ASB5: variants seen among roughly 807,000 people sequenced by gnomAD.
ASB5 encodes the protein ankyrin repeat and SOCS box protein 5.
In ASB5, 45 loss-of-function variants were observed where a neutral mutation model predicts 42.1. The ratio of observed to expected loss-of-function variants is 1.07; its 90% CI spans 0.84 to 1.37. The LOEUF (loss-of-function observed/expected upper bound fraction) is 1.37. Ranked by LOEUF, ASB5 falls within the 40% of genes most tolerant of loss-of-function variation. The pLI is 0.00. For missense variants in ASB5, 402 were observed against 399.8 expected, an observed-to-expected ratio of 1.01 and a Z score of -0.05; for synonymous variants, 147 against 150.6, an observed-to-expected ratio of 0.98 and a Z score of 0.18.
Position 176,221,439 on chromosome 4 carries a change from A to G in ASB5, c.535+11T>C, listed in dbSNP as rs1753204244. Reference sequence around the variant, plus strand: ...TTCTTCCCTTGTCACTTAATCCCAGAACTAAGTTACCTTTACTGGCGGCCT... The same window carrying G: ...TTCTTCCCTTGTCACTTAATCCCAGGACTAAGTTACCTTTACTGGCGGCCT... On this transcript the variant is annotated intron_variant, in intron 4 of 6. Transcript: ENST00000296525. The G allele has an allele frequency of 6.2e-7, 1 of 1,611,720 alleles. No individual in the cohort carries two copies. Among genetic ancestry groups the G allele is most frequent in the Non-Finnish European group, 8.5e-7 (1 of 1,179,164 alleles).
chr4:176,269,614 A>T (rs909275270), upstream of ASB5, among the ~76,000 whole-genome samples: 1 of 149,420 alleles, frequency 6.7e-6, no homozygotes. Context: ...CTACTCATCA[A>T]ATTAACCAAT....
intron 1 of ASB5, among the ~76,000 whole-genome samples, chr4:176,226,562 G>A (rs1242075463): frequency 3.3e-5 from 5 of 152,058 alleles, no homozygotes; most frequent in African/African-American, 1.2e-4. Flanking sequence ...CTCTGTCTAT[G>A]TATCTAGGTA....
chr4:176,256,600 C>CT (rs1430384519), intron 1 of ASB5, among the ~76,000 whole-genome samples: 1 of 152,082 alleles, frequency 6.6e-6, no homozygotes, highest in Non-Finnish European at 1.5e-5. Context: ...GTTTGTTTTT[C>CT]TTTTTTCTCA....
At chr4:176,270,991 T>G (rs1024953042), upstream of ASB5, among the ~76,000 whole-genome samples, 1 of 152,202 alleles carries the variant, frequency 6.6e-6, no homozygotes, top group Non-Finnish European at 1.5e-5. Flanking sequence ...AATAATTGTC[T>G]TCGCATGAGC....
chr4:176,221,424 G>A (rs1348393096), intron 4 of ASB5, 26 bp downstream of exon 4: 1 of 1,607,884 alleles, frequency 6.2e-7, no homozygotes, highest in East Asian at 2.2e-5. Context: ...TTCTTCCCTT[G>A]TCACTTAATC....
intron 2 of ASB5, among the ~76,000 whole-genome samples, chr4:176,224,507 T>A (rs1404175422): frequency 6.7e-6 from 1 of 149,958 alleles, no homozygotes; most frequent in Non-Finnish European, 1.5e-5. Context: ...AGTGTTGGAA[T>A]TACAGGCGTG....
At position 176,254,134 on chromosome 4, in the gene ASB5, C is replaced by T. The variant is rs28799135; in HGVS notation, c.196+14779G>A. On this transcript the variant is annotated intron_variant, in intron 1 of 6. Coordinates refer to ENST00000296525, the MANE Select transcript of ASB5 (RefSeq NM_080874.4). Reference sequence around the variant, plus strand: ...ACAATCCTAAGCAAACAGAACAAAGCCAGAGGCATCACATTACCAGAATCC... The same window carrying T: ...ACAATCCTAAGCAAACAGAACAAAGTCAGAGGCATCACATTACCAGAATCC... 3.9e-3 allele frequency among the ~76,000 whole-genome samples: 593 copies of T among 152,218 alleles called. 6 individuals carry two copies. The highest frequency in any genetic ancestry group is 0.014 in the African/African-American group (570 of 41,530).
intron 1 of ASB5, among the ~76,000 whole-genome samples, chr4:176,261,243 G>T (rs1396541444): frequency 6.6e-6 from 1 of 152,044 alleles, no homozygotes; most frequent in African/African-American, 2.4e-5. Flanking sequence ...TGTTGGGGAG[G>T]TATTCCATCT....
chr4:176,241,684 G>A, intron 1 of ASB5: 1 of 1,328,288 alleles, frequency 7.5e-7, no homozygotes, highest in Non-Finnish European at 9.6e-7. Flanking sequence ...AGTGAGGGCA[G>A]ATGAGGTCTG....
chr4:176,229,166 C>T (rs73871941), intron 1 of ASB5, among the ~76,000 whole-genome samples: 12,574 of 151,998 alleles, frequency 0.083, 556 homozygotes, highest in Middle Eastern at 0.12. Flanking sequence ...TTTCATTATC[C>T]TTAATTTATC....
chr4:176,264,994 A>G (rs996686711), intron 1 of ASB5, among the ~76,000 whole-genome samples: 2 of 152,106 alleles, frequency 1.3e-5, no homozygotes, highest in Admixed American at 1.3e-4. Flanking sequence ...TAACTGGTCA[A>G]CTTATTTCAA....
chr4:176,217,138 G>A (rs1057046087), intron 5 of ASB5, 129 bp from the exon 6 acceptor site: 27 of 705,534 alleles, frequency 3.8e-5, no homozygotes, highest in Non-Finnish European at 6.4e-5. Context: ...TATTTGTTAT[G>A]AGTTATTTCT....
intron 1 of ASB5, among the ~76,000 whole-genome samples, chr4:176,230,923 T>G (rs147311369): frequency 6.6e-6 from 1 of 152,344 alleles, no homozygotes; most frequent in East Asian, 1.9e-4. Flanking sequence ...AATTATTCAG[T>G]GTGAAATTGT....
chr4:176,267,818 A>G (rs1754387280), intron 1 of ASB5, among the ~76,000 whole-genome samples: 1 of 152,142 alleles, frequency 6.6e-6, no homozygotes, highest in African/African-American at 2.4e-5. Context: ...TGTACTCACT[A>G]TCTACCTCAC....
chr4:176,237,191 G>T (rs1313026787), intron 1 of ASB5: 4 of 795,840 alleles, frequency 5.0e-6, no homozygotes, highest in Non-Finnish European at 6.1e-6. Context: ...ATTTCAATCC[G>T]CATTCTGGAA....
In ASB5 at chr4:176,232,855, C is replaced by T. The variant is rs140904969; in HGVS notation, c.197-7514G>A. Among the ~76,000 whole-genome samples the T allele has an allele frequency of 7.7e-3, 1,170 of 152,272 alleles. 13 individuals carry two copies. Among genetic ancestry groups the T allele is most frequent in the African/African-American group, 0.026 (1,100 of 41,536 alleles). On this transcript the variant is annotated intron_variant, in intron 1 of 6. Transcript: ENST00000296525. ...CATCACCTGGTAATAATCATATGGTCTCAAATTTAAGCACAATAATTTTCA... is the reference window on the plus strand; with the variant it reads ...CATCACCTGGTAATAATCATATGGTTTCAAATTTAAGCACAATAATTTTCA...
At chr4:176,268,777 G>A (rs1353489399) in intron 1 of ASB5, 136 bp downstream of exon 1, 1 of 698,952 alleles carries the variant, frequency 1.4e-6, no homozygotes, top group Non-Finnish European at 2.1e-6. Context: ...AAGCCACGAA[G>A]TGAGTTACAA....
chr4:176,225,448 G>A (rs1431876525), intron 1 of ASB5, 107 bp from the exon 2 acceptor site: 2 of 938,122 alleles, frequency 2.1e-6, no homozygotes, highest in East Asian at 2.5e-5. Context: ...TTCACACTCA[G>A]TGTTCAACAG....
At chr4:176,244,622 C>T (rs1304958683) in intron 1 of ASB5, among the ~76,000 whole-genome samples, 1 of 152,074 alleles carries the variant, frequency 6.6e-6, no homozygotes, top group East Asian at 1.9e-4. Flanking sequence ...GTTAAGATGA[C>T]CCAGGGGTTG....
Sources: gnomAD v4.1 joint callset for allele counts (sites outside exome capture counted in the v4.1 genomes callset) on GRCh38, gnomAD v4.1.1 for gene constraint, MANE v1.5 for transcripts, NCBI Gene and HGNC (gene_info 2026-07-23, HGNC 2026-07-21) for gene names.